The following ZHX2 variants were observed in gnomAD, a reference collection of about 807,000 sequenced individuals.
ZHX2 encodes zinc fingers and homeoboxes protein 2.
ZHX2 carries 6 observed loss-of-function variants against 21.9 expected under a neutral mutation model. The observed-to-expected ratio is 0.27, with a 90% CI of 0.15 to 0.54. The LOEUF is 0.54. Among genes scored for constraint, ZHX2 ranks in the 20% least tolerant of loss-of-function variants. The pLI, the probability that ZHX2 is intolerant of heterozygous loss-of-function variation, is 0.95. For missense variants in ZHX2, 908 were observed against 1,090.7 expected (o/e 0.83, Z 2.36); for synonymous variants, 434 against 437.1 (o/e 0.99, Z 0.09).
intron 2 of ZHX2, among the ~76,000 whole-genome samples, chr8:122,903,517 A>C (rs771861455): frequency 6.6e-6 from 1 of 152,202 alleles, no homozygotes; most frequent in Non-Finnish European, 1.5e-5. Flanking sequence ...TCTTGTGTGC[A>C]GGGATGGAGT....
At chr8:122,910,447 C>A (rs1012321990) in intron 2 of ZHX2, among the ~76,000 whole-genome samples, 9 of 152,110 alleles carry the variant, frequency 5.9e-5, no homozygotes, top group African/African-American at 2.2e-4. Context: ...TCTCAAACTG[C>A]CAGTCATGAT....
rs144517453 is a variant in ZHX2, at chr8:122,878,904, G to A, written c.-220+15365G>A. Reference sequence around the variant, plus strand: ...ACCTCAAAGTGAGACCTTGACATTGGGGCATTTAAGTCAGTATCTGTGTCT... The same window carrying A: ...ACCTCAAAGTGAGACCTTGACATTGAGGCATTTAAGTCAGTATCTGTGTCT... On this transcript the variant is annotated intron_variant, in intron 2 of 3. Transcript: ENST00000314393. 5.7e-4 allele frequency among the ~76,000 whole-genome samples: 87 copies of A among 152,196 alleles called. 1 individual carries two copies. In the East Asian group the frequency reaches 0.016, roughly 28 times the overall value.
At chr8:122,801,425 G>A (rs1817717825) in intron 1 of ZHX2, among the ~76,000 whole-genome samples, 1 of 152,080 alleles carries the variant, frequency 6.6e-6, no homozygotes, top group East Asian at 1.9e-4. Flanking sequence ...TATAAACAGG[G>A]AGATGTTTTC....
At chr8:122,819,577 T>A (rs1401121701) in intron 1 of ZHX2, among the ~76,000 whole-genome samples, 1 of 152,230 alleles carries the variant, frequency 6.6e-6, no homozygotes. Context: ...TGCAGTCAGT[T>A]CCTAAGGAGG....
At chr8:122,862,121 G>T (rs58095579) in intron 1 of ZHX2, among the ~76,000 whole-genome samples, 46,062 of 151,978 alleles carry the variant, frequency 0.3, 7,411 homozygotes, top group East Asian at 0.37. Context: ...CCTCCCTCCC[G>T]GAGTGCTCTG....
intron 2 of ZHX2, among the ~76,000 whole-genome samples, chr8:122,909,947 C>G (rs1365140241): frequency 6.6e-6 from 1 of 152,158 alleles, no homozygotes; most frequent in East Asian, 1.9e-4. Context: ...ACCAGCTTAC[C>G]TCTCACTGGA....
intron 1 of ZHX2, among the ~76,000 whole-genome samples, chr8:122,844,088 G>A (rs368838073): frequency 3.9e-5 from 6 of 152,200 alleles, no homozygotes; most frequent in East Asian, 1.9e-4. Flanking sequence ...CTCCTACCAC[G>A]TCTGCCTGTG....
At chr8:122,796,822 G>C (rs1042150361) in intron 1 of ZHX2, among the ~76,000 whole-genome samples, 2 of 152,160 alleles carry the variant, frequency 1.3e-5, no homozygotes, top group African/African-American at 4.8e-5. Flanking sequence ...GAAGAGAGCA[G>C]TTCCAGTCTT....
rs200249449 is a variant in ZHX2 at position 122,781,700 on chromosome 8, TCC to T, written c.-527_-526del. 6.6e-6 allele frequency: 1 copy of T among 151,784 alleles called. No individual in the cohort carries two copies. The highest frequency in any genetic ancestry group is 6.6e-5 in the Admixed American group (1 of 15,212). 9.4% of individuals were successfully genotyped at this position (151,784 alleles called of 1,614,324 possible). ...TCCCCACTGATCGAGGCATTTTTTT[TCC>T]CTTTTTTTTTCCTTTTTTTTTTTCT... is the stretch of plus-strand genomic sequence containing the variant. On this transcript the variant is annotated 5_prime_UTR_variant, in exon 1 of 4. Transcript: ENST00000314393. This position sits in a 1 kb window ranked among gnomAD's most constrained non-coding sequence, Gnocchi z 4.6.
At chr8:122,811,258 G>C (rs1817921443) in intron 1 of ZHX2, among the ~76,000 whole-genome samples, 1 of 152,116 alleles carries the variant, frequency 6.6e-6, no homozygotes, top group Non-Finnish European at 1.5e-5. Context: ...CACATGGCCT[G>C]TGGTCCCAGC....
At chr8:122,948,026 T>A (rs1813020720) in intron 2 of ZHX2, among the ~76,000 whole-genome samples, 1 of 152,130 alleles carries the variant, frequency 6.6e-6, no homozygotes, top group Non-Finnish European at 1.5e-5. Context: ...ACCCCACTGC[T>A]GATGAATTTG....
intron 2 of ZHX2, among the ~76,000 whole-genome samples, chr8:122,918,277 G>T (rs1820652516): frequency 6.6e-6 from 1 of 152,158 alleles, no homozygotes; most frequent in Non-Finnish European, 1.5e-5. Flanking sequence ...TTTTTATTAG[G>T]CACCCATGTG....
chr8:122,966,392 T>C (rs1479544462), intron 3 of ZHX2, among the ~76,000 whole-genome samples: 1 of 152,226 alleles, frequency 6.6e-6, no homozygotes, highest in Non-Finnish European at 1.5e-5. Flanking sequence ...AAAAAGACTT[T>C]ATATCTCCTT....
chr8:122,846,228 G>A (rs1040672229), intron 1 of ZHX2, among the ~76,000 whole-genome samples: 4 of 152,206 alleles, frequency 2.6e-5, no homozygotes, highest in Non-Finnish European at 5.9e-5. Flanking sequence ...GAGGTTGTGG[G>A]GAGGGGAGTT....
chr8:122,948,384 G>T (rs1369012115), intron 2 of ZHX2, among the ~76,000 whole-genome samples: 2 of 151,904 alleles, frequency 1.3e-5, no homozygotes, highest in African/African-American at 2.4e-5. Context: ...CTCGGTTCTG[G>T]GTTCTGTTAA....
At chr8:122,963,298 A>T (rs1217629632) in intron 3 of ZHX2, among the ~76,000 whole-genome samples, 1 of 152,188 alleles carries the variant, frequency 6.6e-6, no homozygotes, top group Non-Finnish European at 1.5e-5. Flanking sequence ...TGATTTTTGT[A>T]TAAGGTGAGA....
chr8:122,913,746 C>G (rs950000292), intron 2 of ZHX2, among the ~76,000 whole-genome samples: 2 of 152,226 alleles, frequency 1.3e-5, no homozygotes, highest in African/African-American at 4.8e-5. Flanking sequence ...CCCTCCTTGA[C>G]CACAGAGCAC....
chr8:122,840,369 C>T (rs1030535906), intron 1 of ZHX2, among the ~76,000 whole-genome samples: 3 of 152,110 alleles, frequency 2.0e-5, no homozygotes, highest in Non-Finnish European at 4.4e-5. Flanking sequence ...AGGTTCAAAT[C>T]CTAGCTCTCC....
intron 1 of ZHX2, among the ~76,000 whole-genome samples, chr8:122,824,895 C>A (rs990455575): frequency 6.6e-6 from 1 of 152,178 alleles, no homozygotes; most frequent in Admixed American, 6.5e-5. Context: ...CCAGAGGCTG[C>A]CCATGTTCTT....
Sources: allele counts gnomAD v4.1 joint callset (sites outside exome capture counted in the v4.1 genomes callset), GRCh38; gene constraint gnomAD v4.1.1; non-coding constraint Gnocchi (gnomAD v3.1); transcripts MANE v1.5; gene names NCBI Gene and HGNC (gene_info 2026-07-23, HGNC 2026-07-21).